The following SLIT1 variants were observed in gnomAD, a reference collection of about 807,000 sequenced individuals.
The protein encoded by SLIT1 is slit guidance ligand 1.
Under a neutral mutation model 186.1 loss-of-function variants are expected in SLIT1, and 66 were observed. The ratio of observed to expected loss-of-function variants is 0.35; its 90% confidence interval spans 0.29 to 0.44. The LOEUF (loss-of-function observed/expected upper bound fraction) is 0.44. Among genes scored for constraint, SLIT1 ranks in the 20% least tolerant of loss-of-function variants. The pLI, the probability that SLIT1 is intolerant of heterozygous loss-of-function variation, is 1.00. For missense variants in SLIT1, 1,638 were observed against 2,037.4 expected, an observed-to-expected ratio of 0.80 and a Z score of 3.77; for synonymous variants, 761 against 833.8, an observed-to-expected ratio of 0.91 and a Z score of 1.50.
chr10:97,040,666 AG>A (rs1848682894), intron 20 of SLIT1, among the ~76,000 whole-genome samples: 1 of 152,234 alleles, frequency 6.6e-6, no homozygotes, highest in African/African-American at 2.4e-5. Context: ...TGGAGACGTT[AG>A]GCACCTTGCT....
chr10:97,017,102 A>G (rs1368918471), intron 28 of SLIT1, among the ~76,000 whole-genome samples: 1 of 152,116 alleles, frequency 6.6e-6, no homozygotes, highest in African/African-American at 2.4e-5. Flanking sequence ...CGCATTCTGT[A>G]AGGCAGTGAG....
chr10:97,003,369 T>C (rs1230741714), intron 34 of SLIT1, among the ~76,000 whole-genome samples: 3 of 152,198 alleles, frequency 2.0e-5, no homozygotes, highest in Non-Finnish European at 2.9e-5. Context: ...AGACATCACG[T>C]GTGGCGCTAG....
Position 97,004,713 on chromosome 10 carries a change from G to A in SLIT1, c.3690C>T (p.Tyr1230=), listed in dbSNP as rs1245019118. 4.3e-6 allele frequency: 7 copies of A among 1,613,996 alleles called. No homozygotes were observed. Among genetic ancestry groups the A allele is most frequent in the East Asian group, 2.2e-5 (1 of 44,890 alleles). The change falls in exon 33 of 37, where the codon TAC becomes TAT. Residue 1230 remains tyrosine, a synonymous_variant. Transcript: ENST00000266058. The surrounding 1 kb of genome is among the most constrained non-coding windows in gnomAD (Gnocchi z 5.1). ...HVRVSYDPGS[Y]PSSAIYSAET... ...CCTACCTGTAGATGGCAGAGCTGGG[G>A]TAGCTGCCTGGGTCGTAGCTGACAC...
intron 10 of SLIT1, among the ~76,000 whole-genome samples, chr10:97,059,805 C>G (rs555957511): frequency 6.6e-6 from 1 of 152,314 alleles, no homozygotes; most frequent in African/African-American, 2.4e-5. Context: ...CCCTCCCATC[C>G]TTAATTGCTC....
rs1962435 is a variant in SLIT1, at chr10:97,001,758, G to A, written c.4366+400C>T. ...TCTCCCTGCCCAGCCTTAGCAGTCC[G>A]GATTCCAGCAGAAGCCATCTTGGTC... On this transcript the variant is annotated intron_variant, in intron 36 of 36. Transcript: ENST00000266058. 6.8e-3 allele frequency among the ~76,000 whole-genome samples: 1,042 copies of A among 152,210 alleles called. 6 individuals carry two copies. The highest frequency in any genetic ancestry group is 0.012 in the Non-Finnish European group (810 of 67,990).
chr10:97,058,828 TACAG>T (rs1206678162), intron 11 of SLIT1, among the ~76,000 whole-genome samples: 2 of 152,204 alleles, frequency 1.3e-5, no homozygotes, highest in Non-Finnish European at 2.9e-5. Context: ...GTGCTCTCTG[TACAG>T]ACAAAGTGCT....
intron 4 of SLIT1, among the ~76,000 whole-genome samples, chr10:97,094,339 A>G (rs915607774): frequency 6.6e-5 from 10 of 152,250 alleles, no homozygotes; most frequent in African/African-American, 2.4e-4. Flanking sequence ...GTGCAAATCT[A>G]CATCTATAAT....
In SLIT1 at chr10:97,013,769, G is replaced by C; in HGVS notation, c.3175C>G (p.Gln1059Glu). 6.4e-7 allele frequency: 1 copy of C among 1,551,594 alleles called. No homozygotes were observed. Among genetic ancestry groups the C allele is most frequent in the Non-Finnish European group, 8.7e-7 (1 of 1,146,958 alleles). The stretch of plus-strand genomic sequence containing the variant: ...GGCCCATCCGGGGTGCCCACACACT[G>C]GGCCTCGTGTTGACATGGGTTCAGA... ...PDLNPCQHEA[Q>E]CVGTPDGPRC... Residue 1059 changes from glutamine to glutamate, a missense_variant, in exon 30 of 37, where the codon CAG becomes GAG. Physicochemically the swap from Gln to Glu is conservative, Grantham distance 29. Transcript: ENST00000266058.
intron 6 of SLIT1, among the ~76,000 whole-genome samples, chr10:97,064,501 G>A (rs1200057066): frequency 6.6e-6 from 1 of 152,178 alleles, no homozygotes; most frequent in Admixed American, 6.5e-5. Flanking sequence ...GTGATGGGAC[G>A]CGTCCCAGGC....
At chr10:97,146,559 G>GCCCCCCCCCCC (rs61265496) in intron 4 of SLIT1, among the ~76,000 whole-genome samples, 2 of 149,084 alleles carry the variant, frequency 1.3e-5, no homozygotes, top group Admixed American at 6.7e-5. Context: ...AGGTACCCCA[G>GCCCCCCCCCCC]CCCCCCCCAC....
chr10:97,034,678 G>T, intron 22 of SLIT1, 136 bp from the exon 23 acceptor site: 1 of 723,200 alleles, frequency 1.4e-6, no homozygotes, highest in Non-Finnish European at 2.5e-6. Flanking sequence ...AGGAGCCCTG[G>T]TGCACAGCCT....
chr10:97,030,392 G>C (rs779085887), intron 25 of SLIT1, among the ~76,000 whole-genome samples: 7 of 152,182 alleles, frequency 4.6e-5, no homozygotes, highest in Admixed American at 1.3e-4. Flanking sequence ...CAGCTGTGCA[G>C]CTTTGGGCAA....
At chr10:97,048,195 C>T (rs1848753581) in intron 14 of SLIT1, among the ~76,000 whole-genome samples, 199 bp from the exon 15 acceptor site, 1 of 152,184 alleles carries the variant, frequency 6.6e-6, no homozygotes, top group African/African-American at 2.4e-5. Context: ...GTGTCGCATC[C>T]AGTTAAACCT....
At chr10:97,083,728 T>A (rs1406717568) in intron 4 of SLIT1, among the ~76,000 whole-genome samples, 1 of 152,106 alleles carries the variant, frequency 6.6e-6, no homozygotes, top group African/African-American at 2.4e-5. Context: ...TTCCTATGAG[T>A]GTCTCAGGAA....
intron 25 of SLIT1, among the ~76,000 whole-genome samples, chr10:97,025,570 C>CA (rs1469568992): frequency 1.2e-4 from 19 of 152,132 alleles, no homozygotes; most frequent in Admixed American, 3.9e-4. Context: ...CCTGTGAACT[C>CA]AGTGGGGAGT....
In SLIT1 at chr10:97,006,295, A is replaced by G. The variant is rs1848358777; in HGVS notation, c.3579+188T>C. Among the ~76,000 whole-genome samples the G allele has an allele frequency of 6.6e-6, 1 of 152,214 alleles. No homozygotes were observed. The highest frequency in any genetic ancestry group is 1.5e-5 in the Non-Finnish European group (1 of 68,050). On this transcript the variant is annotated intron_variant, in intron 32 of 36. Transcript: ENST00000266058. The surrounding 1 kb of genome is among the most constrained non-coding windows in gnomAD (Gnocchi z 4.0). ...ACCCCTGCCCTGGTTTTGTGACACT[A>G]TAACCTTTCTAATTGTGCTTAAACT... is the stretch of plus-strand genomic sequence containing the variant.
intron 13 of SLIT1, among the ~76,000 whole-genome samples, chr10:97,052,919 G>A (rs1248862747): frequency 6.6e-6 from 1 of 152,158 alleles, no homozygotes. Flanking sequence ...AGATGTGCAT[G>A]AAAGTTCAGT....
Position 97,004,484 on chromosome 10 carries a change from G to A in SLIT1, c.3710+209C>T, listed in dbSNP as rs1412551789. Among the ~76,000 whole-genome samples, 1 of 152,166 alleles carries A rather than the reference G, an allele frequency of 6.6e-6. No individual in the cohort carries two copies. The highest frequency in any genetic ancestry group is 1.9e-4 in the East Asian group (1 of 5,186). Reference sequence around the variant, plus strand: ...CCATTAAGGAGCCTCCTCTAAGGTGGTGGTGGGATGGGGAAGGATGGGGCC... The same window carrying A: ...CCATTAAGGAGCCTCCTCTAAGGTGATGGTGGGATGGGGAAGGATGGGGCC... On this transcript the variant is annotated intron_variant, in intron 33 of 36. Coordinates refer to ENST00000266058, the MANE Select transcript of SLIT1 (RefSeq NM_003061.3). This position sits in a 1 kb window ranked among gnomAD's most constrained non-coding sequence, Gnocchi z 5.1.
At chr10:97,164,524 C>G (rs1165233969) in intron 2 of SLIT1, among the ~76,000 whole-genome samples, 2 of 152,128 alleles carry the variant, frequency 1.3e-5, no homozygotes, top group Non-Finnish European at 2.9e-5. Flanking sequence ...CGATTGGTCA[C>G]GAGGTCCCTG....
Sources: allele counts gnomAD v4.1 joint callset (sites outside exome capture counted in the v4.1 genomes callset), GRCh38; gene constraint gnomAD v4.1.1; non-coding constraint Gnocchi (gnomAD v3.1); transcripts MANE v1.5; gene names NCBI Gene and HGNC (gene_info 2026-07-23, HGNC 2026-07-21).